The following NAV2 variants were observed in gnomAD, a reference collection of about 807,000 sequenced individuals.
NAV2 encodes helicase, APC down-regulated 1.
A neutral mutation model predicts 223.2 loss-of-function variants in NAV2; 54 were observed. The observed-to-expected ratio is 0.24, with a 90% CI of 0.19 to 0.30. The LOEUF is 0.30. Ranked by LOEUF, NAV2 falls within the 10% of genes least tolerant of loss-of-function variation. The pLI is 1.00. For missense variants in NAV2, 2,806 were observed against 3,147.5 expected, an observed-to-expected ratio of 0.89 and a Z score of 2.60; for synonymous variants, 1,279 against 1,239.3, an observed-to-expected ratio of 1.03 and a Z score of -0.67.
intron 1 of NAV2, among the ~76,000 whole-genome samples, chr11:19,381,908 T>G (rs2133933427): frequency 6.6e-6 from 1 of 152,288 alleles, no homozygotes; most frequent in Admixed American, 6.5e-5. Context: ...AGAGGGGCTG[T>G]GAAGCCACCA....
intron 2 of NAV2, among the ~76,000 whole-genome samples, chr11:19,833,669 A>C (rs1055490431): frequency 6.6e-6 from 1 of 152,228 alleles, no homozygotes; most frequent in Non-Finnish European, 1.5e-5. Context: ...GCTTTTGTGC[A>C]TCAGAAGTCT....
intron 1 of NAV2, among the ~76,000 whole-genome samples, chr11:19,664,110 G>C (rs757181113): frequency 9.2e-5 from 14 of 152,190 alleles, no homozygotes; most frequent in Non-Finnish European, 1.9e-4. Context: ...TACAGGTAGG[G>C]AACCAGACCT....
intron 1 of NAV2, among the ~76,000 whole-genome samples, chr11:19,408,819 C>CGG (rs1554923730): frequency 8.2e-6 from 1 of 122,302 alleles, no homozygotes; most frequent in African/African-American, 3.1e-5. Flanking sequence ...TTTTTTCTGG[C>CGG]GGGGTGGGGG....
chr11:19,917,399 A>G (rs2043896646), intron 6 of NAV2, among the ~76,000 whole-genome samples: 2 of 152,070 alleles, frequency 1.3e-5, no homozygotes, highest in South Asian at 2.1e-4. Context: ...TTCCCTAGCA[A>G]TTTTCTGCCT....
At chr11:19,770,473 C>T (rs2055624264) in intron 1 of NAV2, among the ~76,000 whole-genome samples, 1 of 152,034 alleles carries the variant, frequency 6.6e-6, no homozygotes, top group Admixed American at 6.6e-5. Context: ...CAATTTCAAC[C>T]CTTATCTGCT....
intron 1 of NAV2, among the ~76,000 whole-genome samples, chr11:19,676,236 C>T (rs181878117): frequency 6.7e-4 from 102 of 152,304 alleles, no homozygotes; most frequent in Middle Eastern, 3.4e-3. Flanking sequence ...TTGGCTCCCA[C>T]CACATATATT....
In NAV2 at chr11:19,846,707, G is replaced by A. The variant is rs191872591; in HGVS notation, c.438+3784G>A. On this transcript the variant is annotated intron_variant, in intron 3 of 37. Coordinates refer to ENST00000349880, the MANE Select transcript of NAV2 (RefSeq NM_145117.5). ...TCACACCTTTTGGGTGAGAAACGGA[G>A]ATGCTCTCCCCAGGACTCAAGCCTG... is the stretch of plus-strand genomic sequence containing the variant. 3.5e-3 allele frequency among the ~76,000 whole-genome samples: 535 copies of A among 152,322 alleles called. 5 individuals are homozygous for A. The highest frequency in any genetic ancestry group is 3.4e-3 in the Middle Eastern group (1 of 294).
intron 2 of NAV2, among the ~76,000 whole-genome samples, chr11:19,842,010 G>A (rs1018610136): frequency 6.6e-6 from 1 of 152,154 alleles, no homozygotes; most frequent in Non-Finnish European, 1.5e-5. Flanking sequence ...ACGCTAAGAA[G>A]CTCTGCAGCT....
At chr11:19,714,255 G>C (rs1369575427) in intron 1 of NAV2, 17 of 634,556 alleles carry the variant, frequency 2.7e-5, no homozygotes, top group Non-Finnish European at 5.0e-5. Flanking sequence ...CAAAAAACGT[G>C]TGCATCGCTG....
chr11:19,855,250 T>C (rs1223798311), intron 3 of NAV2, among the ~76,000 whole-genome samples: 2 of 152,316 alleles, frequency 1.3e-5, no homozygotes, highest in East Asian at 3.9e-4. Flanking sequence ...GGTCTCTGTA[T>C]GGCTTTCAAG....
At chr11:19,588,542 T>C (rs565423102) in intron 1 of NAV2, among the ~76,000 whole-genome samples, 2 of 152,312 alleles carry the variant, frequency 1.3e-5, no homozygotes, top group East Asian at 3.9e-4. Context: ...CTGTGTAACC[T>C]GCTAGACCCT....
At chr11:19,847,762 T>G (rs1395859436) in intron 3 of NAV2, among the ~76,000 whole-genome samples, 1 of 152,208 alleles carries the variant, frequency 6.6e-6, no homozygotes, top group Non-Finnish European at 1.5e-5. Context: ...CCATTCTAAG[T>G]GCTTTACAAA....
At chr11:19,611,804 T>C (rs1405792977) in intron 1 of NAV2, among the ~76,000 whole-genome samples, 1 of 152,208 alleles carries the variant, frequency 6.6e-6, no homozygotes, top group South Asian at 2.1e-4. Context: ...TGCTGCAAGC[T>C]GTCAGTCGAT....
chr11:19,772,683 TA>T (rs1467967581), intron 1 of NAV2, among the ~76,000 whole-genome samples: 1 of 152,208 alleles, frequency 6.6e-6, no homozygotes, highest in Non-Finnish European at 1.5e-5. Context: ...TTTGTCATTT[TA>T]AGACCATGTA....
intron 4 of NAV2, among the ~76,000 whole-genome samples, chr11:19,877,064 T>G (rs1324260869): frequency 1.3e-5 from 2 of 152,032 alleles, no homozygotes; most frequent in Non-Finnish European, 2.9e-5. Flanking sequence ...TAAGTCAAGT[T>G]ACACAGTGTT....
In NAV2 at chr11:20,100,948, A is replaced by G; in HGVS notation, c.6193A>G (p.Asn2065Asp). 4 of 1,613,992 alleles carry G rather than the reference A, an allele frequency of 2.5e-6. No individual in the cohort carries two copies. The highest frequency in any genetic ancestry group is 1.3e-5 in the African/African-American group (1 of 74,984). The part of the protein sequence containing the change: ...ISVTVKGLAE[N>D]SLDSLVFESL... ...TCTCTCAAATGCAGGGCTCGCAGAAAACAGCCTGGACTCACTGGTGTTTGA... is the reference window on the plus strand; with the variant it reads ...TCTCTCAAATGCAGGGCTCGCAGAAGACAGCCTGGACTCACTGGTGTTTGA... The change falls in exon 32 of 38, where the codon AAC becomes GAC. Residue 2065 changes from asparagine (N) to aspartate (D), a missense_variant. This residue lies in a region of NAV2 where 824 missense variants were observed against 1,069.4 expected (regional missense o/e 0.77). Coordinates refer to ENST00000349880, the MANE Select transcript of NAV2 (RefSeq NM_145117.5).
intron 1 of NAV2, among the ~76,000 whole-genome samples, chr11:19,562,332 A>G (rs2045128695): frequency 6.6e-6 from 1 of 152,164 alleles, no homozygotes; most frequent in Admixed American, 6.5e-5. Flanking sequence ...ATCCGCTCTC[A>G]GAGGGTGGAA....
chr11:19,948,456 G>T (rs2047113552), intron 9 of NAV2, among the ~76,000 whole-genome samples: 1 of 152,102 alleles, frequency 6.6e-6, no homozygotes, highest in South Asian at 2.1e-4. Context: ...TTCGTTTCTT[G>T]TACCATGTTT....
Position 19,610,127 on chromosome 11 carries a change from C to G in NAV2, c.76-222357C>G, listed in dbSNP as rs555514375. 7.9e-5 allele frequency among the ~76,000 whole-genome samples: 12 copies of G among 152,288 alleles called. No individual in the cohort carries two copies. The South Asian group carries it at 1.9e-3, about 24-fold the overall frequency. On this transcript the variant is annotated intron_variant, in intron 1 of 37. Transcript: ENST00000360655. The stretch of plus-strand genomic sequence containing the variant: ...GAGCCATTTGACAGCAATCATATCC[C>G]CAGGCTCATGGGTGGGGGTGACAGA...
Sources: allele counts gnomAD v4.1 joint callset (sites outside exome capture counted in the v4.1 genomes callset), GRCh38; gene constraint gnomAD v4.1.1; regional missense constraint gnomAD v4.1.1; transcripts MANE v1.5; gene names NCBI Gene and HGNC (gene_info 2026-07-23, HGNC 2026-07-21).